The following PCDHA4 variants were observed in gnomAD, a reference collection of about 807,000 sequenced individuals.
The protein encoded by PCDHA4 is protocadherin alpha-4.
In PCDHA4, 49 loss-of-function variants were observed where a neutral mutation model predicts 61.4. The ratio of observed to expected loss-of-function variants is 0.80; its 90% CI spans 0.63 to 1.01. PCDHA4 has a LOEUF of 1.01. PCDHA4 is among the 50% of genes least tolerant of loss of function. PCDHA4 has a pLI of 0.00. For missense variants in PCDHA4, 1,254 were observed against 1,235.8 expected (o/e 1.01, Z -0.22); for synonymous variants, 590 against 550.3 (o/e 1.07, Z -1.01).
At chr5:140,813,686 CA>C (rs1223474406) in intron 1 of PCDHA4, 1 of 152,170 alleles carries the variant, frequency 6.6e-6, no homozygotes, top group Non-Finnish European at 1.5e-5. Context: ...AGGCTACACT[CA>C]ATTTATCAAA....
At chr5:140,869,211 G>T (rs375218342) in intron 1 of PCDHA4, 2 of 1,613,956 alleles carry the variant, frequency 1.2e-6, no homozygotes, top group Non-Finnish European at 1.7e-6. Context: ...ACTCCGTCTC[G>T]GAGGAGGCCA....
chr5:140,822,432 C>T, intron 1 of PCDHA4: 2 of 1,613,792 alleles, frequency 1.2e-6, no homozygotes, highest in East Asian at 2.2e-5. Context: ...GAGGAAAACC[C>T]GAACTAACAG....
At chr5:140,836,793 TCTC>T in intron 1 of PCDHA4, 5 of 1,403,902 alleles carry the variant, frequency 3.6e-6, no homozygotes, top group Non-Finnish European at 4.9e-6. Context: ...GTTCAATTGG[TCTC>T]CTTAAATTTT....
rs1563186680 is a variant in PCDHA4 at position 140,941,223 on chromosome 5, C to CTTTCTT, written c.2386-37724_2386-37719dup. Among the ~76,000 whole-genome samples the CTTTCTT allele has an allele frequency of 6.9e-4, 92 of 132,548 alleles. 1 individual carries two copies. The highest frequency in any genetic ancestry group is 2.7e-3 in the African/African-American group (88 of 33,182). The allele number at this position is 132,548 out of a possible 152,430, so 87.0% of individuals were successfully genotyped here. A position where few individuals can be genotyped will look rare whatever the true frequency, so the allele number is the denominator to read the frequency against. ...TCTTCCTTTCTTTCTTCCTTTCTTT[C>CTTTCTT]TTTCTTTCTTTCTTTCTTTCTTTCT... On this transcript the variant is annotated intron_variant, in intron 1 of 3. Coordinates refer to ENST00000530339, the MANE Select transcript of PCDHA4 (RefSeq NM_018907.4).
chr5:140,967,234 G>A (rs781912172), intron 1 of PCDHA4: 3 of 1,613,746 alleles, frequency 1.9e-6, no homozygotes, highest in South Asian at 1.1e-5. Context: ...ACCAGCTTCA[G>A]GTAAGCGAAT....
chr5:140,869,392 G>C (rs372231398), intron 1 of PCDHA4: 24 of 1,614,164 alleles, frequency 1.5e-5, no homozygotes, highest in African/African-American at 1.5e-4. Flanking sequence ...GGAGCTGTGC[G>C]GGCAGAGCGC....
intron 1 of PCDHA4, chr5:140,841,587 G>A: frequency 6.2e-7 from 1 of 1,614,074 alleles, no homozygotes; most frequent in Middle Eastern, 1.7e-4. Context: ...GTGAATTCTC[G>A]GATCGACCGC....
chr5:140,875,246 C>A (rs2055373842), intron 1 of PCDHA4: 3 of 955,372 alleles, frequency 3.1e-6, no homozygotes, highest in Non-Finnish European at 4.4e-6. Flanking sequence ...CTTACATAAT[C>A]AGTCACATGA....
At chr5:140,834,851 C>G (rs2150227943) in intron 1 of PCDHA4, 1 of 1,610,676 alleles carries the variant, frequency 6.2e-7, no homozygotes. Context: ...CACTAGAGGG[C>G]GCGTCCGATG....
At chr5:140,914,802 T>C (rs2076849351) in intron 1 of PCDHA4, among the ~76,000 whole-genome samples, 1 of 152,202 alleles carries the variant, frequency 6.6e-6, no homozygotes, top group African/African-American at 2.4e-5. Flanking sequence ...TTTAAACTGA[T>C]GGCAACTTAA....
At chr5:140,884,330 G>T in intron 1 of PCDHA4, 2 of 1,613,876 alleles carry the variant, frequency 1.2e-6, no homozygotes, top group Non-Finnish European at 1.7e-6. Context: ...AGGCGCTGTG[G>T]GTCCAGAAGC....
chr5:140,884,113 G>A, intron 1 of PCDHA4: 2 of 1,613,388 alleles, frequency 1.2e-6, no homozygotes, highest in Non-Finnish European at 1.7e-6. Context: ...AGCTGGCGGC[G>A]GTCGGCGCGC....
intron 1 of PCDHA4, chr5:140,857,788 GCTGCGGTCGGTGGTTGCGGGT>G: frequency 6.3e-7 from 1 of 1,597,732 alleles, no homozygotes; most frequent in South Asian, 1.1e-5. Flanking sequence ...GTGAGCTGGT[GCTGCGGTCGGTGGTTGCGGGT>G]CACGTGGTGG....
chr5:140,871,223 C>G (rs1009797322), intron 1 of PCDHA4: 6 of 1,613,892 alleles, frequency 3.7e-6, no homozygotes, highest in Non-Finnish European at 3.4e-6. Context: ...TGCGTGGTGT[C>G]CAGCCTCCTG....
intron 3 of PCDHA4, among the ~76,000 whole-genome samples, chr5:140,985,103 A>G (rs1342526252): frequency 6.6e-6 from 1 of 151,694 alleles, no homozygotes; most frequent in African/African-American, 2.4e-5. Context: ...AAGCCTGGCT[A>G]ATTTTTTGTG....
At chr5:140,876,577 A>T in intron 1 of PCDHA4, 2 of 1,614,182 alleles carry the variant, frequency 1.2e-6, no homozygotes, top group Non-Finnish European at 1.7e-6. Flanking sequence ...GGGTACCGTC[A>T]TTGCCCTGAT....
At chr5:140,883,349 GA>G in intron 1 of PCDHA4, 1 of 1,614,142 alleles carries the variant, frequency 6.2e-7, no homozygotes, top group Non-Finnish European at 8.5e-7. Flanking sequence ...CCCCATCAGA[GA>G]AGACACTCAG....
At chr5:140,993,337 G>A (rs2097550534) in intron 3 of PCDHA4, among the ~76,000 whole-genome samples, 1 of 151,924 alleles carries the variant, frequency 6.6e-6, no homozygotes, top group African/African-American at 2.4e-5. Context: ...GTGATTTGAA[G>A]GGCACTACGA....
chr5:140,927,481 G>T, intron 1 of PCDHA4: 1 of 1,614,072 alleles, frequency 6.2e-7, no homozygotes, highest in Non-Finnish European at 8.5e-7. Context: ...CGAACAGCGC[G>T]CCACCCACCT....
Sources: allele counts gnomAD v4.1 joint callset (sites outside exome capture counted in the v4.1 genomes callset), GRCh38; gene constraint gnomAD v4.1.1; transcripts MANE v1.5; gene names NCBI Gene and HGNC (gene_info 2026-07-23, HGNC 2026-07-21).